The following GRIN2A variants were observed in gnomAD, a reference collection of about 807,000 sequenced individuals.
GRIN2A encodes the protein glutamate receptor ionotropic, NMDA 2A.
Under a neutral mutation model 113.4 loss-of-function variants are expected in GRIN2A, and 22 were observed. That is an observed-to-expected ratio of 0.19 (90% confidence interval 0.14 to 0.28). GRIN2A has a LOEUF of 0.28. GRIN2A is among the 10% of genes least tolerant of loss of function. The probability of loss-of-function intolerance (pLI) is 1.00; values close to 1 mark genes in which losing one functional copy is unlikely to be tolerated. For missense variants in GRIN2A, 1,502 were observed against 1,887.0 expected (o/e 0.80, Z 3.78); for synonymous variants, 827 against 738.4 (o/e 1.12, Z -1.94).
chr16:9,764,981 G>A (rs1484551517), intron 12 of GRIN2A, 33 bp from the exon 13 acceptor site: 4 of 1,613,084 alleles, frequency 2.5e-6, no homozygotes, highest in Non-Finnish European at 1.7e-6. Context: ...ACTGTCAGCA[G>A]CAGCAGCAGT....
chr16:9,836,632 G>A (rs1379011395), intron 7 of GRIN2A, among the ~76,000 whole-genome samples: 1 of 152,160 alleles, frequency 6.6e-6, no homozygotes, highest in Non-Finnish European at 1.5e-5. Context: ...AAAGGACTCT[G>A]CTGCAGTAGT....
intron 3 of GRIN2A, among the ~76,000 whole-genome samples, chr16:9,893,162 T>C (rs967570572): frequency 6.6e-6 from 1 of 152,284 alleles, no homozygotes; most frequent in East Asian, 1.9e-4. Context: ...ACCATTCGGG[T>C]CATTGAAAAT....
chr16:10,047,013 C>T (rs1435287744), intron 2 of GRIN2A, among the ~76,000 whole-genome samples: 2 of 152,188 alleles, frequency 1.3e-5, no homozygotes, highest in Non-Finnish European at 2.9e-5. Context: ...CACCCCTGGA[C>T]TCTACCCTCC....
intron 3 of GRIN2A, among the ~76,000 whole-genome samples, chr16:9,908,464 A>G (rs2044070409): frequency 6.6e-6 from 1 of 152,010 alleles, no homozygotes; most frequent in African/African-American, 2.4e-5. Context: ...AAATAGCTAT[A>G]AAGGGTTAAT....
intron 10 of GRIN2A, among the ~76,000 whole-genome samples, chr16:9,816,985 C>T (rs2141282840): frequency 6.6e-6 from 1 of 152,336 alleles, no homozygotes; most frequent in South Asian, 2.1e-4. Flanking sequence ...AATCCCATCT[C>T]TGTTGATGTT....
chr16:10,051,906 A>C (rs1192171321), intron 2 of GRIN2A, among the ~76,000 whole-genome samples: 3 of 152,252 alleles, frequency 2.0e-5, no homozygotes, highest in African/African-American at 7.2e-5. Context: ...TAAAGACTAC[A>C]CTTGCACTGT....
chr16:9,819,865 G>A (rs544868038), intron 10 of GRIN2A, among the ~76,000 whole-genome samples: 8 of 145,218 alleles, frequency 5.5e-5, no homozygotes, highest in African/African-American at 5.2e-5. Context: ...AGGTTGCAGC[G>A]GGGAGAGACT....
intron 2 of GRIN2A, among the ~76,000 whole-genome samples, chr16:10,159,148 G>A (rs1020653117): frequency 4.6e-5 from 7 of 152,110 alleles, no homozygotes; most frequent in Non-Finnish European, 7.3e-5. Context: ...TACAATGAGG[G>A]TGGTGGTCCT....
At chr16:9,792,665 T>C (rs546436220) in intron 11 of GRIN2A, among the ~76,000 whole-genome samples, 1 of 152,294 alleles carries the variant, frequency 6.6e-6, no homozygotes, top group African/African-American at 2.4e-5. Context: ...ATATATACAT[T>C]TAATTTTATG....
chr16:9,975,227 C>T (rs1476560502), intron 2 of GRIN2A, among the ~76,000 whole-genome samples: 2 of 152,052 alleles, frequency 1.3e-5, no homozygotes, highest in Non-Finnish European at 2.9e-5. Context: ...CAAAATGGAT[C>T]CCCCAAAGAT....
intron 2 of GRIN2A, among the ~76,000 whole-genome samples, chr16:10,081,218 G>T (rs1221506815): frequency 6.6e-6 from 1 of 152,144 alleles, no homozygotes. Flanking sequence ...TTATTCTAAG[G>T]GACAGCCAGC....
intron 2 of GRIN2A, among the ~76,000 whole-genome samples, chr16:10,127,237 A>G (rs1169492773): frequency 1.3e-5 from 2 of 152,068 alleles, no homozygotes; most frequent in African/African-American, 4.8e-5. Flanking sequence ...GAAAAAAAAA[A>G]AAATCCACCT....
chr16:10,063,200 A>G (rs1225464029), intron 2 of GRIN2A, among the ~76,000 whole-genome samples: 9 of 152,212 alleles, frequency 5.9e-5, no homozygotes, highest in Admixed American at 5.2e-4. Flanking sequence ...AAAAATGGGA[A>G]TAGACACTGG....
At chr16:10,025,387 C>T (rs760678176) in intron 2 of GRIN2A, among the ~76,000 whole-genome samples, 9 of 147,636 alleles carry the variant, frequency 6.1e-5, no homozygotes, top group South Asian at 4.3e-4. Context: ...ACAGCAGCCT[C>T]GACCTCCTGG....
chr16:10,054,910 G>C (rs2047419522), intron 2 of GRIN2A, among the ~76,000 whole-genome samples: 1 of 151,430 alleles, frequency 6.6e-6, no homozygotes, highest in African/African-American at 2.4e-5. Context: ...AGCCGGACAT[G>C]GTGGCACGCG....
intron 11 of GRIN2A, among the ~76,000 whole-genome samples, chr16:9,786,894 T>A (rs1902262835): frequency 6.6e-6 from 1 of 152,178 alleles, no homozygotes; most frequent in South Asian, 2.1e-4. Context: ...CCGACCATTT[T>A]CTTCTCTTGC....
intron 2 of GRIN2A, among the ~76,000 whole-genome samples, chr16:10,087,641 T>C (rs1420406417): frequency 6.6e-6 from 1 of 152,184 alleles, no homozygotes; most frequent in African/African-American, 2.4e-5. Flanking sequence ...TTAAATTATA[T>C]CATCTATATA....
At chr16:10,079,642 T>C (rs1567283595) in intron 2 of GRIN2A, among the ~76,000 whole-genome samples, 1 of 152,104 alleles carries the variant, frequency 6.6e-6, no homozygotes, top group Non-Finnish European at 1.5e-5. Flanking sequence ...ATGACAGCCA[T>C]CTATGAAAAA....
chr16:10,115,754 C>G (rs991954613), intron 2 of GRIN2A, among the ~76,000 whole-genome samples: 3 of 152,142 alleles, frequency 2.0e-5, no homozygotes, highest in African/African-American at 4.8e-5. Context: ...TTCTCAGAAG[C>G]CTTCATTATT....
Sources: gnomAD v4.1 joint callset for allele counts (sites outside exome capture counted in the v4.1 genomes callset) on GRCh38, gnomAD v4.1.1 for gene constraint, MANE v1.5 for transcripts, NCBI Gene and HGNC (gene_info 2026-07-23, HGNC 2026-07-21) for gene names.